Variants in ZNF544 observed in about 807,000 individuals in gnomAD.
ZNF544 encodes the protein zinc finger protein AF020591.
In ZNF544, 10 loss-of-function variants were observed where a neutral mutation model predicts 13.5. The observed-to-expected ratio is 0.74, with a 90% confidence interval of 0.46 to 1.25. ZNF544 has a LOEUF of 1.25. Ranked by LOEUF, ZNF544 falls within the 50% of genes most tolerant of loss-of-function variation. The probability of loss-of-function intolerance (pLI) is 0.00; values close to 1 mark genes in which losing one functional copy is unlikely to be tolerated. For synonymous variants in ZNF544, 323 were observed against 300.5 expected, an observed-to-expected ratio of 1.07 and a Z score of -0.77; for missense variants, 896 against 845.6, an observed-to-expected ratio of 1.06 and a Z score of -0.74.
At chr19:58,244,138 C>A in intron 4 of ZNF544, 82 bp downstream of exon 4, 2 of 1,266,118 alleles carry the variant, frequency 1.6e-6, no homozygotes, top group Non-Finnish European at 2.2e-6. Context: ...CCCCTGCAGG[C>A]TGTCACACAG....
intron 3 of ZNF544, among the ~76,000 whole-genome samples, chr19:58,232,853 A>C (rs538952208): frequency 2.1e-3 from 310 of 147,010 alleles, no homozygotes; most frequent in African/African-American, 7.2e-3. Context: ...AGGCTGAGGC[A>C]GGAGAATGGC....
chr19:58,259,617 T>A (rs2048450235), intron 6 of ZNF544: 1 of 152,258 alleles, frequency 6.6e-6, no homozygotes, highest in Non-Finnish European at 1.5e-5. Context: ...GCAGCATTCT[T>A]TCCAGTCTTC....
chr19:58,240,014 T>G (rs1334014746), intron 3 of ZNF544, among the ~76,000 whole-genome samples: 1 of 152,144 alleles, frequency 6.6e-6, no homozygotes, highest in Non-Finnish European at 1.5e-5. Flanking sequence ...AGACAGTGCT[T>G]AATTCTCCAA....
chr19:58,250,448 C>T (rs1378240284), intron 6 of ZNF544, among the ~76,000 whole-genome samples: 2 of 152,202 alleles, frequency 1.3e-5, no homozygotes, highest in Non-Finnish European at 2.9e-5. Context: ...AGTACTTAGA[C>T]TGTGTATCCT....
At position 58,263,618 on chromosome 19, in the gene ZNF544, A is replaced by C. The variant is rs1221389957; in HGVS notation, c.*864A>C. The C allele has an allele frequency of 1.0e-6, 1 of 977,336 alleles. No individual in the cohort carries two copies. The highest frequency in any genetic ancestry group is 1.8e-5 in the African/African-American group (1 of 57,064). The allele number at this position is 977,336 out of a possible 1,614,324, so 60.5% of individuals were successfully genotyped here. A position where few individuals can be genotyped will look rare whatever the true frequency, so the allele number is the denominator to read the frequency against. The stretch of plus-strand genomic sequence containing the variant: ...TGTATTACCAAGCTCACTCTAGCCA[A>C]CTAAATAAAAATCTCTGGCAGTAAA... On this transcript the variant is annotated 3_prime_UTR_variant, in exon 7 of 7. Transcript: ENST00000687789.
chr19:58,260,797 C>T (rs1431476759), intron 6 of ZNF544, 54 bp from the exon 7 acceptor site: 34 of 1,476,554 alleles, frequency 2.3e-5, no homozygotes, highest in Non-Finnish European at 3.0e-5. Flanking sequence ...TCTCCCCCTC[C>T]CCCTCCCCCT....
chr19:58,240,722 A>G (rs1032867941), intron 3 of ZNF544, among the ~76,000 whole-genome samples: 1 of 151,650 alleles, frequency 6.6e-6, no homozygotes, highest in Non-Finnish European at 1.5e-5. Flanking sequence ...AGATCGTGCT[A>G]CCACACTCCA....
chr19:58,252,702 G>A (rs1215226054), intron 6 of ZNF544, among the ~76,000 whole-genome samples: 1 of 152,146 alleles, frequency 6.6e-6, no homozygotes, highest in Admixed American at 6.6e-5. Flanking sequence ...AAATTTTAGT[G>A]AAACCCTAAA....
At chr19:58,256,548 C>T (rs890947322) in intron 6 of ZNF544, among the ~76,000 whole-genome samples, 4 of 152,146 alleles carry the variant, frequency 2.6e-5, no homozygotes, top group African/African-American at 7.2e-5. Context: ...ACAACTTAAA[C>T]GGTTACAAGA....
chr19:58,264,769 C>T (rs1423590524), downstream of ZNF544, among the ~76,000 whole-genome samples: 5 of 152,064 alleles, frequency 3.3e-5, no homozygotes, highest in South Asian at 2.1e-4. Flanking sequence ...TTTGGGAGAC[C>T]GAGCGGCCAG....
chr19:58,254,696 T>G (rs1430129644), intron 6 of ZNF544, among the ~76,000 whole-genome samples: 1 of 152,192 alleles, frequency 6.6e-6, no homozygotes, highest in Non-Finnish European at 1.5e-5. Context: ...AATCCCAGAC[T>G]TTTAGTATCC....
At chr19:58,244,644 T>G (rs1396504725) in intron 4 of ZNF544, among the ~76,000 whole-genome samples, 8 of 144,674 alleles carry the variant, frequency 5.5e-5, no homozygotes, top group African/African-American at 2.1e-4. Flanking sequence ...GGCATGATCT[T>G]GGCTCACAGC....
intron 3 of ZNF544, among the ~76,000 whole-genome samples, chr19:58,239,679 G>A (rs1331695473): frequency 1.3e-5 from 2 of 152,266 alleles, no homozygotes; most frequent in Admixed American, 6.5e-5. Context: ...TGGGCGGATC[G>A]CCCGAGGTCA....
At chr19:58,276,171 T>C (rs1332524532) in intron 5 of ZNF544, among the ~76,000 whole-genome samples, 2 of 151,968 alleles carry the variant, frequency 1.3e-5, no homozygotes, top group Non-Finnish European at 2.9e-5. Context: ...AGTGAGACCC[T>C]GTCTCAAAAA....
intron 3 of ZNF544, among the ~76,000 whole-genome samples, chr19:58,234,993 TTTG>T (rs1181210549): frequency 2.0e-5 from 3 of 152,234 alleles, no homozygotes; most frequent in Non-Finnish European, 4.4e-5. Flanking sequence ...TCTCTCTCTT[TTTG>T]TTGTTTTTTG....
intron 1 of ZNF544, 179 bp downstream of exon 1, chr19:58,229,125 G>C (rs942635019): frequency 6.6e-6 from 1 of 152,408 alleles, no homozygotes; most frequent in African/African-American, 2.4e-5. Context: ...ATGGGATCGG[G>C]ATCTCTCCGG....
At chr19:58,241,161 A>T (rs8112210) in intron 3 of ZNF544, among the ~76,000 whole-genome samples, 2,017 of 48,126 alleles carry the variant, frequency 0.042, 113 homozygotes, top group African/African-American at 0.077. Context: ...ATATATATTT[A>T]AATATATATA....
chr19:58,231,193 G>T (rs1183615201), intron 3 of ZNF544, among the ~76,000 whole-genome samples: 1 of 152,124 alleles, frequency 6.6e-6, no homozygotes, highest in African/African-American at 2.4e-5. Context: ...AAAGAACAGG[G>T]GCATTGGGCT....
chr19:58,256,575 G>A (rs184195138), intron 6 of ZNF544, among the ~76,000 whole-genome samples: 3 of 152,168 alleles, frequency 2.0e-5, no homozygotes, highest in Admixed American at 6.6e-5. Flanking sequence ...ACGGTACCAC[G>A]TGCAAGGTTC....
Sources: gnomAD v4.1 joint callset for allele counts (sites outside exome capture counted in the v4.1 genomes callset) on GRCh38, gnomAD v4.1.1 for gene constraint, MANE v1.5 for transcripts, NCBI Gene and HGNC (gene_info 2026-07-23, HGNC 2026-07-21) for gene names.